KIAA1217: variants seen among roughly 807,000 people sequenced by gnomAD.
The protein encoded by KIAA1217 is sickle tail protein homolog.
Under a neutral mutation model 163.9 loss-of-function variants are expected in KIAA1217, and 88 were observed. That is an observed-to-expected ratio of 0.54 (90% CI 0.45 to 0.64). The LOEUF (loss-of-function observed/expected upper bound fraction) is 0.64, where lower values mean the gene tolerates loss of function less well. Among genes scored for constraint, KIAA1217 ranks in the 30% least tolerant of loss-of-function variants. KIAA1217 has a pLI of 0.00. For synonymous variants in KIAA1217, 903 were observed against 923.1 expected, an observed-to-expected ratio of 0.98 and a Z score of 0.39; for missense variants, 2,372 against 2,475.0, an observed-to-expected ratio of 0.96 and a Z score of 0.88.
intron 1 of KIAA1217, among the ~76,000 whole-genome samples, chr10:23,959,940 G>A: frequency 7.8e-6 from 1 of 128,904 alleles, no homozygotes; most frequent in Non-Finnish European, 1.6e-5. Context: ...TTTTGAGACA[G>A]AGTCTCCCTC....
At chr10:24,476,364 G>C (rs1186461799) in intron 6 of KIAA1217, among the ~76,000 whole-genome samples, 3 of 152,112 alleles carry the variant, frequency 2.0e-5, no homozygotes, top group Non-Finnish European at 4.4e-5. Context: ...AAAGATTTTA[G>C]CTTTTGGTAC....
intron 1 of KIAA1217, among the ~76,000 whole-genome samples, chr10:23,796,983 A>T (rs1057445151): frequency 6.6e-6 from 1 of 152,100 alleles, no homozygotes; most frequent in Non-Finnish European, 1.5e-5. Context: ...CAACCCAAGT[A>T]GCTGTGACTC....
intron 2 of KIAA1217, among the ~76,000 whole-genome samples, chr10:24,011,911 G>A (rs575990852): frequency 7.2e-5 from 11 of 152,274 alleles, no homozygotes; most frequent in Middle Eastern, 3.4e-3. Flanking sequence ...CATAACATCT[G>A]TGAAGATGTT....
chr10:23,996,296 G>T (rs114490106), intron 1 of KIAA1217, among the ~76,000 whole-genome samples: 1 of 152,112 alleles, frequency 6.6e-6, no homozygotes, highest in African/African-American at 2.4e-5. Context: ...GTGCTTATGC[G>T]CCTTCTTGCC....
Position 24,388,837 on chromosome 10 carries a change from A to T in KIAA1217, c.553+7770A>T, listed in dbSNP as rs202221857. ...TCATCACTGGTCATCAGAGAAATGC[A>T]AATCAATCCACAATGAGATACCATC... On this transcript the variant is annotated intron_variant, in intron 3 of 20. Transcript: ENST00000376454. Among the ~76,000 whole-genome samples, 1,283 of 106,442 alleles carry T rather than the reference A, an allele frequency of 0.012. 65 individuals are homozygous for T. In the East Asian group the frequency reaches 0.18, roughly 15 times the overall value. 69.8% of individuals were successfully genotyped at this position (106,442 alleles called of 152,430 possible).
In KIAA1217 at chr10:24,543,910, G is replaced by A; in HGVS notation, c.4640G>A (p.Ser1547Asn). ...EMNRTELNKFSHVDSPNSECK... is the reference protein window; with the variant it reads ...EMNRTELNKFNHVDSPNSECK... ...AACAGAACGGAGCTGAACAAGTTCA[G>A]CCACGTGGATTCTCCAAATTCGGAA... The change falls in exon 19 of 21, where the codon AGC becomes AAC. Residue 1547 changes from serine to asparagine, a missense_variant. Physicochemically the swap from Ser to Asn is conservative, Grantham distance 46. Transcript: ENST00000376454. 6.2e-7 allele frequency: 1 copy of A among 1,614,048 alleles called. No individual in the cohort carries two copies. The highest frequency in any genetic ancestry group is 8.5e-7 in the Non-Finnish European group (1 of 1,180,028).
chr10:23,727,174 G>C (rs1838206106), intron 1 of KIAA1217, among the ~76,000 whole-genome samples: 1 of 151,506 alleles, frequency 6.6e-6, no homozygotes, highest in Admixed American at 6.6e-5. Context: ...ATTTTTTTTA[G>C]TAGAGACAGG....
intron 11 of KIAA1217, 124 bp from the exon 12 acceptor site, chr10:24,521,658 A>G (rs1261940339): frequency 9.4e-6 from 11 of 1,172,362 alleles, no homozygotes; most frequent in Non-Finnish European, 1.3e-5. Flanking sequence ...CTGCCACCTG[A>G]AGATGTGTGA....
At chr10:23,892,177 C>A (rs954123512) in intron 1 of KIAA1217, among the ~76,000 whole-genome samples, 2 of 151,696 alleles carry the variant, frequency 1.3e-5, no homozygotes, top group African/African-American at 4.8e-5. Context: ...TTCAACAAAC[C>A]ATTAATCAAA....
At position 24,296,615 on chromosome 10, in the gene KIAA1217, C is replaced by T. The variant is rs750923741; in HGVS notation, c.354+76706C>T. ...CTCATAATTACTCAAACATAGAAAA[C>T]GTAACCCAACATGTACCATTTTCCT... On this transcript the variant is annotated intron_variant, in intron 2 of 20. Coordinates refer to ENST00000376454, the MANE Select transcript of KIAA1217 (RefSeq NM_019590.5). 6.6e-5 allele frequency among the ~76,000 whole-genome samples: 10 copies of T among 152,258 alleles called. No individual in the cohort carries two copies. The East Asian group carries it at 7.7e-4, about 12-fold the overall frequency.
chr10:24,325,117 A>T (rs191127439), intron 2 of KIAA1217, among the ~76,000 whole-genome samples: 2 of 152,368 alleles, frequency 1.3e-5, no homozygotes, highest in Non-Finnish European at 2.9e-5. Flanking sequence ...ACCCAGAAAC[A>T]AGCACTATAT....
At chr10:24,425,056 A>G (rs2059071387) in intron 3 of KIAA1217, among the ~76,000 whole-genome samples, 1 of 152,146 alleles carries the variant, frequency 6.6e-6, no homozygotes, top group Non-Finnish European at 1.5e-5. Flanking sequence ...GAAAGCTTTT[A>G]TTTGAGCAGC....
chr10:24,418,366 T>G (rs1428730062), intron 3 of KIAA1217, among the ~76,000 whole-genome samples: 1 of 152,198 alleles, frequency 6.6e-6, no homozygotes, highest in Non-Finnish European at 1.5e-5. Context: ...ACTTCCCCAG[T>G]ATCTTTCTCC....
chr10:24,211,162 A>T (rs954888833), intron 1 of KIAA1217, among the ~76,000 whole-genome samples: 2 of 152,092 alleles, frequency 1.3e-5, no homozygotes, highest in African/African-American at 2.4e-5. Flanking sequence ...GCTTCGCTGA[A>T]GTGATATTTG....
intron 6 of KIAA1217, among the ~76,000 whole-genome samples, chr10:24,479,621 T>A (rs2064411445): frequency 6.6e-6 from 1 of 152,188 alleles, no homozygotes; most frequent in African/African-American, 2.4e-5. Flanking sequence ...TCTGTGTTGC[T>A]ATAAAAAATA....
intron 2 of KIAA1217, among the ~76,000 whole-genome samples, chr10:24,285,219 T>G (rs1488615637): frequency 6.6e-6 from 1 of 152,188 alleles, no homozygotes; most frequent in Non-Finnish European, 1.5e-5. Flanking sequence ...GTGCAGAAGC[T>G]CTTCAGTTTA....
intron 1 of KIAA1217, among the ~76,000 whole-genome samples, chr10:23,769,946 G>A (rs1834720513): frequency 6.6e-6 from 1 of 152,110 alleles, no homozygotes; most frequent in Non-Finnish European, 1.5e-5. Context: ...TCAGCCTTGG[G>A]GACTCAGTTC....
chr10:23,721,800 G>A (rs76089906), intron 1 of KIAA1217, among the ~76,000 whole-genome samples: 1,705 of 152,062 alleles, frequency 0.011, 28 homozygotes, highest in African/African-American at 0.039. Context: ...AATGCCTGAA[G>A]CTCAGAAAGT....
intron 1 of KIAA1217, among the ~76,000 whole-genome samples, chr10:23,999,013 G>C (rs577306994): frequency 6.6e-6 from 1 of 151,942 alleles, no homozygotes; most frequent in African/African-American, 2.4e-5. Flanking sequence ...CATTGGGATC[G>C]CTTTATATTA....
Sources: allele counts gnomAD v4.1 joint callset (sites outside exome capture counted in the v4.1 genomes callset), GRCh38; gene constraint gnomAD v4.1.1; transcripts MANE v1.5; gene names NCBI Gene and HGNC (gene_info 2026-07-23, HGNC 2026-07-21).